ME1: variants seen among roughly 807,000 people sequenced by gnomAD.
The protein encoded by ME1 is malic enzyme 1.
In ME1, 74 loss-of-function variants were observed where a neutral mutation model predicts 66.4. The observed-to-expected ratio is 1.11, with a 90% CI of 0.92 to 1.35. The LOEUF (loss-of-function observed/expected upper bound fraction) is 1.35. ME1 is among the 40% of genes most tolerant of loss of function. The probability of loss-of-function intolerance (pLI) is 0.00; values close to 1 mark genes in which losing one functional copy is unlikely to be tolerated. For synonymous variants in ME1, 251 were observed against 235.6 expected (o/e 1.07, Z -0.60); for missense variants, 750 against 694.1 (o/e 1.08, Z -0.90).
chr6:83,255,876 C>T (rs1766759537), intron 6 of ME1, among the ~76,000 whole-genome samples: 1 of 152,084 alleles, frequency 6.6e-6, no homozygotes, highest in Non-Finnish European at 1.5e-5. Context: ...GATGAGGAAA[C>T]AGGCACACAG....
intron 9 of ME1, among the ~76,000 whole-genome samples, chr6:83,230,128 GTT>G (rs201960546): frequency 2.0e-5 from 3 of 149,936 alleles, no homozygotes; most frequent in African/African-American, 7.4e-5. Context: ...GCCAGGCTCT[GTT>G]TTTTTTTGTT....
At chr6:83,406,375 G>A (rs981319307) in intron 2 of ME1, among the ~76,000 whole-genome samples, 7 of 152,166 alleles carry the variant, frequency 4.6e-5, no homozygotes, top group East Asian at 1.9e-4. Flanking sequence ...CCTCCTTTTC[G>A]ATTGTTTGGA....
chr6:83,399,504 T>C (rs149235955), intron 2 of ME1, among the ~76,000 whole-genome samples: 1 of 152,338 alleles, frequency 6.6e-6, no homozygotes, highest in East Asian at 1.9e-4. Flanking sequence ...CAGTATTGAA[T>C]AACCAAGGGA....
In ME1 at chr6:83,268,106, T is replaced by C. The variant is rs533803742; in HGVS notation, c.705-14368A>G. On this transcript the variant is annotated intron_variant, in intron 6 of 13. Coordinates refer to ENST00000369705, the MANE Select transcript of ME1 (RefSeq NM_002395.6). ...TTCATTCCTTTTCTTTTTGAAGTTGTTAGCTGAACTGCAGAACAGATCAGG... is the reference window on the plus strand; with the variant it reads ...TTCATTCCTTTTCTTTTTGAAGTTGCTAGCTGAACTGCAGAACAGATCAGG... Among the ~76,000 whole-genome samples, 6 of 152,316 alleles carry C rather than the reference T, an allele frequency of 3.9e-5. No homozygotes were observed. In the East Asian group the frequency reaches 1.2e-3, roughly 29 times the overall value.
At position 83,426,892 on chromosome 6, in the gene ME1, T is replaced by C. The variant is rs562054033; in HGVS notation, c.78+3985A>G. On this transcript the variant is annotated intron_variant, in intron 1 of 13. Coordinates refer to ENST00000369705, the MANE Select transcript of ME1 (RefSeq NM_002395.6). ...CATGTAAGCACAATTATGATAGAACTATCAATTAGTGTTTTCTACCATTGC... is the reference window on the plus strand; with the variant it reads ...CATGTAAGCACAATTATGATAGAACCATCAATTAGTGTTTTCTACCATTGC... 2.0e-5 allele frequency among the ~76,000 whole-genome samples: 3 copies of C among 152,348 alleles called. No homozygotes were observed. In the South Asian group the frequency reaches 6.2e-4, roughly 32 times the overall value.
At chr6:83,364,178 C>T (rs954688505) in intron 3 of ME1, among the ~76,000 whole-genome samples, 1 of 152,078 alleles carries the variant, frequency 6.6e-6, no homozygotes, top group African/African-American at 2.4e-5. Flanking sequence ...GCCAGCATGG[C>T]TAGAATATAA....
chr6:83,311,140 TC>T (rs1030035756), intron 6 of ME1, among the ~76,000 whole-genome samples: 1 of 152,040 alleles, frequency 6.6e-6, no homozygotes, highest in African/African-American at 2.4e-5. Context: ...CTGCCTCCCC[TC>T]CAGATCCCTG....
chr6:83,356,745 A>G (rs1299435184), intron 3 of ME1, among the ~76,000 whole-genome samples: 1 of 134,552 alleles, frequency 7.4e-6, no homozygotes, highest in African/African-American at 2.7e-5. Flanking sequence ...ATTACATAAA[A>G]TTGTTTTTTT....
In ME1 at chr6:83,398,478, T is replaced by G. The variant is rs1469154231; in HGVS notation, c.251A>C (p.Lys84Thr). The G allele has an allele frequency of 6.3e-7, 1 of 1,577,242 alleles. No individual in the cohort carries two copies. The highest frequency in any genetic ancestry group is 1.2e-5 in the South Asian group (1 of 86,416). The change falls in exon 3 of 14, where the codon AAA (lysine) becomes ACA (threonine). Residue 84 changes from lysine to threonine, a missense_variant. Coordinates refer to ENST00000369705, the MANE Select transcript of ME1 (RefSeq NM_002395.6). Reference protein sequence around the residue: ...LLMDLQDRNEKLFYRVLTSDI... With the variant: ...LLMDLQDRNETLFYRVLTSDI... The stretch of plus-strand genomic sequence containing the variant: ...AGATGTCAGCACTCTATAAAAGAGT[T>G]TTTCATTTCTATCTTGGAGATCCAT...
chr6:83,234,743 G>A (rs1790365549), intron 9 of ME1, among the ~76,000 whole-genome samples: 1 of 148,860 alleles, frequency 6.7e-6, no homozygotes, highest in Admixed American at 6.8e-5. Context: ...TGCCATCAGA[G>A]TAAAGGAGAG....
chr6:83,248,691 C>CA (rs1353505506), intron 7 of ME1, among the ~76,000 whole-genome samples: 2 of 152,144 alleles, frequency 1.3e-5, no homozygotes, highest in African/African-American at 4.8e-5. Context: ...GTTCTTCCTT[C>CA]ACTCATCTCT....
At chr6:83,352,676 C>T (rs1054014050) in intron 3 of ME1, among the ~76,000 whole-genome samples, 3 of 152,070 alleles carry the variant, frequency 2.0e-5, no homozygotes, top group Non-Finnish European at 4.4e-5. Flanking sequence ...TCTTAGTTGC[C>T]GTTTGCAACT....
rs71545854 is a variant in ME1, at chr6:83,283,227, C to CAAAAAAAAAAAA, written c.705-29501_705-29490dup. Among the ~76,000 whole-genome samples, 174 of 28,846 alleles carry CAAAAAAAAAAAA rather than the reference C, an allele frequency of 6.0e-3. 1 individual carries two copies. Among genetic ancestry groups the CAAAAAAAAAAAA allele is most frequent in the African/African-American group, 0.022 (161 of 7,174 alleles). 18.9% of individuals were successfully genotyped at this position (28,846 alleles called of 152,430 possible). On this transcript the variant is annotated intron_variant, in intron 6 of 13. Transcript: ENST00000369705. ...TGGGCGACAGAGCAAGACTCCGTCT[C>CAAAAAAAAAAAA]AAAAAAAAAAAAAAAAAAAAATGAT...
chr6:83,306,483 T>C (rs1432171581), intron 6 of ME1, among the ~76,000 whole-genome samples: 3 of 152,056 alleles, frequency 2.0e-5, no homozygotes, highest in Admixed American at 1.3e-4. Flanking sequence ...GAGAAAAAGA[T>C]AGGTAACAAT....
intron 9 of ME1, among the ~76,000 whole-genome samples, chr6:83,233,413 T>C (rs1790339229): frequency 6.6e-6 from 1 of 152,128 alleles, no homozygotes; most frequent in Non-Finnish European, 1.5e-5. Flanking sequence ...TCAATTAACC[T>C]TGGTGATATG....
intron 3 of ME1, among the ~76,000 whole-genome samples, chr6:83,371,480 C>A (rs1399706495): frequency 2.0e-5 from 3 of 152,150 alleles, no homozygotes; most frequent in African/African-American, 7.2e-5. Context: ...CTATATAAAC[C>A]TAAACAGAAA....
chr6:83,410,286 A>C (rs1206275008), intron 1 of ME1, among the ~76,000 whole-genome samples: 3 of 152,162 alleles, frequency 2.0e-5, no homozygotes, highest in Non-Finnish European at 4.4e-5. Flanking sequence ...AATTCATAGA[A>C]ATTTTCAAAC....
chr6:83,355,165 C>T, intron 3 of ME1, among the ~76,000 whole-genome samples: 1 of 152,042 alleles, frequency 6.6e-6, no homozygotes, highest in Admixed American at 6.5e-5. Flanking sequence ...AGCAGGATCT[C>T]AATAAATAAT....
At chr6:83,357,604 GA>G in intron 3 of ME1, among the ~76,000 whole-genome samples, 1 of 152,102 alleles carries the variant, frequency 6.6e-6, no homozygotes, top group East Asian at 1.9e-4. Context: ...TGTTGCCAAG[GA>G]AGGTTAATAT....
Sources: gnomAD v4.1 joint callset for allele counts (sites outside exome capture counted in the v4.1 genomes callset) on GRCh38, gnomAD v4.1.1 for gene constraint, MANE v1.5 for transcripts, NCBI Gene and HGNC (gene_info 2026-07-23, HGNC 2026-07-21) for gene names.